Variants in PRKX observed in about 807,000 individuals in gnomAD.
The protein encoded by PRKX is cAMP-dependent protein kinase catalytic subunit PRKX.
In PRKX, 12 loss-of-function variants were observed where a neutral mutation model predicts 22.0. The ratio of observed to expected loss-of-function variants is 0.54; its 90% CI spans 0.35 to 0.88. The LOEUF is 0.88. Ranked by LOEUF, PRKX falls within the 40% of genes least tolerant of loss-of-function variation. The pLI is 0.01. For synonymous variants in PRKX, 134 were observed against 137.7 expected (o/e 0.97, Z 0.19); for missense variants, 217 against 308.0 (o/e 0.70, Z 2.21).
intron 6 of PRKX, among the ~76,000 whole-genome samples, chrX:3,617,005 T>TAC (rs1926433734): frequency 9.0e-6 from 1 of 111,169 alleles, no homozygotes; most frequent in Non-Finnish European, 1.9e-5. Flanking sequence ...CATACATATA[T>TAC]ACACACATAG....
chrX:3,686,258 C>T (rs1195430758), intron 1 of PRKX, among the ~76,000 whole-genome samples: 1 of 111,401 alleles, frequency 9.0e-6, no homozygotes, highest in Non-Finnish European at 1.9e-5. Flanking sequence ...AGTTTGTACT[C>T]CCAACTCAGC....
At chrX:3,691,244 C>A (rs1437358772) in intron 1 of PRKX, among the ~76,000 whole-genome samples, 1 of 111,391 alleles carries the variant, frequency 9.0e-6, no homozygotes, top group African/African-American at 3.3e-5. Context: ...GTACGTCTTA[C>A]ATTCTTGGGA....
intron 3 of PRKX, among the ~76,000 whole-genome samples, chrX:3,645,370 C>T (rs950848699): frequency 2.0e-4 from 22 of 111,200 alleles, no homozygotes; most frequent in Admixed American, 5.8e-4. Flanking sequence ...TTCTTAATGC[C>T]CACGCCTTCC....
intron 2 of PRKX, among the ~76,000 whole-genome samples, chrX:3,666,362 T>C (rs1207929656): frequency 9.0e-6 from 1 of 110,507 alleles, no homozygotes; most frequent in Non-Finnish European, 1.9e-5. Flanking sequence ...CTCACTGTGT[T>C]AGCCAGGATG....
intron 7 of PRKX, among the ~76,000 whole-genome samples, chrX:3,612,874 T>G (rs1205969188): frequency 9.1e-6 from 1 of 110,319 alleles, no homozygotes; most frequent in East Asian, 2.8e-4. Flanking sequence ...GGAAGCTGGC[T>G]AGGCGCAGTG....
intron 4 of PRKX, among the ~76,000 whole-genome samples, chrX:3,640,288 C>T (rs1423938126): frequency 9.0e-6 from 1 of 110,697 alleles, no homozygotes; most frequent in Non-Finnish European, 1.9e-5. Flanking sequence ...GGCTGGGCTT[C>T]CTCTCGTCTT....
chrX:3,630,527 T>A (rs1204221937), intron 4 of PRKX, among the ~76,000 whole-genome samples: 4 of 111,394 alleles, frequency 3.6e-5, no homozygotes, highest in African/African-American at 1.3e-4. Context: ...GCCACTGCAC[T>A]CCAGCCTGGG....
chrX:3,634,834 C>A (rs761882912), intron 4 of PRKX, among the ~76,000 whole-genome samples: 1 of 111,291 alleles, frequency 9.0e-6, no homozygotes, highest in Non-Finnish European at 1.9e-5. Flanking sequence ...GGACCCTGGG[C>A]GTGTACCATC....
At chrX:3,710,516 C>T (rs1233694047) in intron 1 of PRKX, among the ~76,000 whole-genome samples, 2 of 111,447 alleles carry the variant, frequency 1.8e-5, no homozygotes, top group Non-Finnish European at 3.8e-5. Flanking sequence ...GGATTACAGG[C>T]GCCCGCCACC....
At chrX:3,656,441 G>C (rs916468327) in intron 2 of PRKX, among the ~76,000 whole-genome samples, 16 of 111,790 alleles carry the variant, frequency 1.4e-4, no homozygotes, top group African/African-American at 5.2e-4. Flanking sequence ...TATGGGTATA[G>C]ACGTGTAGAC....
At chrX:3,613,383 G>A (rs973090934) in intron 7 of PRKX, among the ~76,000 whole-genome samples, 1 of 109,874 alleles carries the variant, frequency 9.1e-6, no homozygotes, top group Admixed American at 1.0e-4. Context: ...ACAATAAAAG[G>A]TGATTACCTA....
intron 8 of PRKX, among the ~76,000 whole-genome samples, chrX:3,609,265 A>T (rs1362310872): frequency 9.0e-6 from 1 of 111,161 alleles, no homozygotes; most frequent in Non-Finnish European, 1.9e-5. Flanking sequence ...TGTTCAAGTG[A>T]TTCTCCTACC....
chrX:3,629,196 C>T (rs984776664), intron 4 of PRKX, among the ~76,000 whole-genome samples: 6 of 111,419 alleles, frequency 5.4e-5, no homozygotes, highest in African/African-American at 2.0e-4. Context: ...CCTGCTTGCA[C>T]GGCACTATAA....
chrX:3,650,227 A>G, intron 3 of PRKX, among the ~76,000 whole-genome samples: 1 of 111,908 alleles, frequency 8.9e-6, no homozygotes, highest in South Asian at 3.8e-4. Context: ...ACCCCATGCT[A>G]TAAGAGAAAA....
At chrX:3,644,376 G>A (rs1321156078) in intron 3 of PRKX, among the ~76,000 whole-genome samples, 1 of 78,236 alleles carries the variant, frequency 1.3e-5, no homozygotes, top group African/African-American at 5.3e-5. Flanking sequence ...ACTCCAGCCT[G>A]AGCAACAGAG....
rs1926142110 is a variant in PRKX, at chrX:3,605,237, T to C, written c.*3732A>G. 9.0e-6 allele frequency: 1 copy of C among 111,293 alleles called. No individual in the cohort carries two copies. The highest frequency in any genetic ancestry group is 1.9e-5 in the Non-Finnish European group (1 of 53,115). The allele number at this position is 111,293 out of a possible 1,213,427, so 9.2% of individuals were successfully genotyped here. A position where few individuals can be genotyped will look rare whatever the true frequency, so the allele number is the denominator to read the frequency against. On this transcript the variant is annotated 3_prime_UTR_variant, in exon 9 of 9. Coordinates refer to ENST00000262848, the MANE Select transcript of PRKX (RefSeq NM_005044.5). ...CAATGTGTGTAAAATGCATGCTAGG[T>C]AGATTGAAGGAAAAACGAGAGGAAC...
chrX:3,632,034 G>A (rs1926794468), intron 4 of PRKX, among the ~76,000 whole-genome samples: 1 of 111,759 alleles, frequency 8.9e-6, no homozygotes, highest in African/African-American at 3.2e-5. Context: ...GAAATATGAA[G>A]TACAAAAATG....
At chrX:3,622,298 CTG>C (rs1446438259) in intron 5 of PRKX, among the ~76,000 whole-genome samples, 1 of 111,318 alleles carries the variant, frequency 9.0e-6, no homozygotes, top group Non-Finnish European at 1.9e-5. Context: ...TCATGTGTGT[CTG>C]TGTGTACACA....
At chrX:3,711,586 T>C (rs1469288669) in intron 1 of PRKX, among the ~76,000 whole-genome samples, 1 of 112,119 alleles carries the variant, frequency 8.9e-6, no homozygotes, top group African/African-American at 3.2e-5. Context: ...AAGGAACGGC[T>C]GGACCTCATC....
Sources: allele counts gnomAD v4.1 joint callset (sites outside exome capture counted in the v4.1 genomes callset), GRCh38; gene constraint gnomAD v4.1.1; transcripts MANE v1.5; gene names NCBI Gene and HGNC (gene_info 2026-07-23, HGNC 2026-07-21).